Variants in STXBP5 observed in about 807,000 individuals in gnomAD.
STXBP5 encodes the protein syntaxin binding protein 5.
STXBP5 carries 50 observed loss-of-function variants against 152.4 expected under a neutral mutation model. That is an observed-to-expected ratio of 0.33 (90% CI 0.26 to 0.42). The LOEUF (loss-of-function observed/expected upper bound fraction) is 0.42, where lower values mean the gene tolerates loss of function less well. STXBP5 is among the 10% of genes least tolerant of loss of function. The pLI is 1.00. For missense variants in STXBP5, 1,167 were observed against 1,388.6 expected, an observed-to-expected ratio of 0.84 and a Z score of 2.54; for synonymous variants, 492 against 494.7, an observed-to-expected ratio of 0.99 and a Z score of 0.07.
At chr6:147,284,152 C>A (rs1450461626) in intron 8 of STXBP5, among the ~76,000 whole-genome samples, 1 of 152,046 alleles carries the variant, frequency 6.6e-6, no homozygotes, top group African/African-American at 2.4e-5. Context: ...GTATTTAGCA[C>A]ATCTTAACTT....
intron 2 of STXBP5, among the ~76,000 whole-genome samples, chr6:147,226,829 A>G (rs1777742117): frequency 6.6e-6 from 1 of 152,218 alleles, no homozygotes; most frequent in Non-Finnish European, 1.5e-5. Flanking sequence ...CAAATAAGAA[A>G]AATTGATGAG....
At chr6:147,373,587 G>A (rs2128419305) in intron 25 of STXBP5, 144 bp from the exon 26 acceptor site, 3 of 553,616 alleles carry the variant, frequency 5.4e-6, no homozygotes, top group East Asian at 5.8e-5. Flanking sequence ...TTCTGTATCT[G>A]ATCGTAGGAC....
intron 2 of STXBP5, among the ~76,000 whole-genome samples, chr6:147,214,230 C>G (rs1245552340): frequency 6.6e-6 from 1 of 152,168 alleles, no homozygotes; most frequent in Non-Finnish European, 1.5e-5. Context: ...TTCTGTATAT[C>G]TGTATTATCA....
At chr6:147,320,565 G>GTGTA in intron 16 of STXBP5, among the ~76,000 whole-genome samples, 1 of 108,472 alleles carries the variant, frequency 9.2e-6, no homozygotes, top group South Asian at 2.9e-4. Context: ...GTGTGTGTGT[G>GTGTA]TGTGTGTGTG....
Position 147,313,971 on chromosome 6 carries a change from C to T in STXBP5, c.1233C>T (p.Asp411=). ...CCEYFADCPV[D]LIPALYSVGA... is the part of the protein sequence containing the mutation. ...AATATTTTGCGGATTGTCCTGTGGA[C>T]CTTATTCCTGCACTTTATTCTGTTG... The change falls in exon 12 of 28, where the codon GAC becomes GAT. Residue 411 remains aspartate (D), a synonymous_variant. Coordinates refer to ENST00000321680, the MANE Select transcript of STXBP5 (RefSeq NM_001127715.4). 6.2e-7 allele frequency: 1 copy of T among 1,604,404 alleles called. No homozygotes were observed.
Position 147,366,167 on chromosome 6 carries a change from A to G in STXBP5, c.3081+2001A>G, listed in dbSNP as rs139309766. Among the ~76,000 whole-genome samples the G allele has an allele frequency of 2.0e-5, 3 of 152,326 alleles. No individual in the cohort carries two copies. In the East Asian group the frequency reaches 5.8e-4, roughly 29 times the overall value. Reference sequence around the variant, plus strand: ...TAAATTCGAGAGAAAAGAGCTACAAAGAGAAAGAACCCTGGAGATGTGCAG... The same window carrying G: ...TAAATTCGAGAGAAAAGAGCTACAAGGAGAAAGAACCCTGGAGATGTGCAG... On this transcript the variant is annotated intron_variant, in intron 25 of 27. Coordinates refer to ENST00000321680, the MANE Select transcript of STXBP5 (RefSeq NM_001127715.4).
intron 11 of STXBP5, among the ~76,000 whole-genome samples, chr6:147,312,773 C>T (rs943030215): frequency 1.3e-5 from 2 of 152,106 alleles, no homozygotes; most frequent in Non-Finnish European, 2.9e-5. Flanking sequence ...TTCAAAATAA[C>T]AAGATAATTT....
Position 147,330,538 on chromosome 6 carries a change from C to T in STXBP5, c.2080+3262C>T, listed in dbSNP as rs1783515949. On this transcript the variant is annotated intron_variant, in intron 18 of 27. Coordinates refer to ENST00000321680, the MANE Select transcript of STXBP5 (RefSeq NM_001127715.4). Reference sequence around the variant, plus strand: ...GAAGGTCAAACATTTTACATTTCAGCTGATTTGAGGCACTAATTAGTCAGA... The same window carrying T: ...GAAGGTCAAACATTTTACATTTCAGTTGATTTGAGGCACTAATTAGTCAGA... Among the ~76,000 whole-genome samples the T allele has an allele frequency of 8.5e-5, 13 of 152,078 alleles. 1 individual carries two copies. In the South Asian group the frequency reaches 2.7e-3, roughly 31 times the overall value.
At position 147,343,567 on chromosome 6, in the gene STXBP5, C is replaced by A. The variant is rs999690215; in HGVS notation, c.2254+4183C>A. ...TAGTGACTTAGGACTGGAATCCAGG[C>A]TTCTTGAGTCTTGTTTTACTATGTA... On this transcript the variant is annotated intron_variant, in intron 21 of 27. Coordinates refer to ENST00000321680, the MANE Select transcript of STXBP5 (RefSeq NM_001127715.4). Among the ~76,000 whole-genome samples, 3 of 151,870 alleles carry A rather than the reference C, an allele frequency of 2.0e-5. No individual in the cohort carries two copies. In the East Asian group the frequency reaches 5.8e-4, roughly 29 times the overall value.
rs142759855 is a variant in STXBP5 at position 147,376,946 on chromosome 6, CTA to C, written c.3193+3108_3193+3109del. 3.9e-5 allele frequency among the ~76,000 whole-genome samples: 6 copies of C among 152,142 alleles called. No individual in the cohort carries two copies. The East Asian group carries it at 7.7e-4, about 20-fold the overall frequency. ...ATCACAAATGAATCAGCTGGTATAA[CTA>C]TATTAATATAAGAAAAATTAGACAT... On this transcript the variant is annotated intron_variant, in intron 26 of 27. Coordinates refer to ENST00000321680, the MANE Select transcript of STXBP5 (RefSeq NM_001127715.4).
intron 6 of STXBP5, among the ~76,000 whole-genome samples, chr6:147,266,638 T>G (rs1779907094): frequency 1.3e-5 from 2 of 152,044 alleles, no homozygotes; most frequent in African/African-American, 4.8e-5. Context: ...GCACATTTAC[T>G]TTGAGGCTTT....
chr6:147,256,110 G>A (rs1269791798), intron 4 of STXBP5, among the ~76,000 whole-genome samples: 1 of 152,136 alleles, frequency 6.6e-6, no homozygotes, highest in Non-Finnish European at 1.5e-5. Context: ...CTTCAATGCA[G>A]GGAATAGGAA....
At chr6:147,341,117 A>G (rs1444533933) in intron 21 of STXBP5, among the ~76,000 whole-genome samples, 3 of 152,140 alleles carry the variant, frequency 2.0e-5, no homozygotes, top group Non-Finnish European at 2.9e-5. Flanking sequence ...ACAGAAGGAA[A>G]GTTAGTGTCA....
At chr6:147,365,323 G>A (rs1222895958) in intron 25 of STXBP5, among the ~76,000 whole-genome samples, 2 of 152,122 alleles carry the variant, frequency 1.3e-5, no homozygotes, top group Admixed American at 6.5e-5. Flanking sequence ...TCTGTCGGAA[G>A]GATAAACCTT....
At position 147,363,557 on chromosome 6, in the gene STXBP5, C is replaced by T; in HGVS notation, c.2768C>T (p.Ala923Val). 6.2e-7 allele frequency: 1 copy of T among 1,614,110 alleles called. No individual in the cohort carries two copies. The highest frequency in any genetic ancestry group is 8.5e-7 in the Non-Finnish European group (1 of 1,180,020). Residue 923 changes from alanine (A) to valine (V), a missense_variant, in exon 24 of 28, where the codon GCA (alanine) becomes GTA (valine). Ala to Val is a moderately conservative substitution (Grantham distance 64). Transcript: ENST00000321680. ...GCAGTGATATGTTCTGAAAAGCAAGCAAAAGTAATCTCACTGCCAACCCAG... is the reference window on the plus strand; with the variant it reads ...GCAGTGATATGTTCTGAAAAGCAAGTAAAAGTAATCTCACTGCCAACCCAG... ...QYAVICSEKQ[A>V]KVISLPTQNC...
intron 8 of STXBP5, among the ~76,000 whole-genome samples, chr6:147,280,646 T>TTAA (rs1216645162): frequency 3.3e-5 from 5 of 152,354 alleles, no homozygotes; most frequent in African/African-American, 9.6e-5. Context: ...AAATAATGAT[T>TTAA]GTCTAGCTGG....
chr6:147,238,372 C>T (rs868345686), intron 3 of STXBP5, among the ~76,000 whole-genome samples: 1 of 152,144 alleles, frequency 6.6e-6, no homozygotes, highest in African/African-American at 2.4e-5. Context: ...CTCCCTCCCT[C>T]CCTGGAGACT....
In STXBP5 at chr6:147,278,094, T is replaced by C; in HGVS notation, c.728T>C (p.Val243Ala). ...RYTYDEAIHS[V>A]AWHHEGKQFI... The stretch of plus-strand genomic sequence containing the variant: ...ATCCTTCTATAGGCTATCCACTCTG[T>C]TGCTTGGCATCATGAAGGAAAACAA... Residue 243 changes from valine (V) to alanine (A), a missense_variant, in exon 8 of 28, where the codon GTT (valine) becomes GCT (alanine). Transcript: ENST00000321680. 1 of 1,612,498 alleles carries C rather than the reference T, an allele frequency of 6.2e-7. No individual in the cohort carries two copies. The highest frequency in any genetic ancestry group is 8.5e-7 in the Non-Finnish European group (1 of 1,178,920).
At chr6:147,307,430 T>A (rs1360447081) in intron 9 of STXBP5, among the ~76,000 whole-genome samples, 1 of 152,202 alleles carries the variant, frequency 6.6e-6, no homozygotes, top group Non-Finnish European at 1.5e-5. Flanking sequence ...CTAGAAATAG[T>A]TGAGATCCCT....
Sources: gnomAD v4.1 joint callset for allele counts (sites outside exome capture counted in the v4.1 genomes callset) on GRCh38, gnomAD v4.1.1 for gene constraint, MANE v1.5 for transcripts, NCBI Gene and HGNC (gene_info 2026-07-23, HGNC 2026-07-21) for gene names.